Variants in ZNF69 observed in about 807,000 individuals in gnomAD.
ZNF69 encodes the protein zinc finger protein 69, also known as ZNF3.
In ZNF69, 47 loss-of-function variants were observed where a neutral mutation model predicts 50.9. The observed-to-expected ratio is 0.92, with a 90% CI of 0.73 to 1.18. The LOEUF (loss-of-function observed/expected upper bound fraction) is 1.18, where lower values mean the gene tolerates loss of function less well. ZNF69 is among the 50% of genes most tolerant of loss of function. The pLI, the probability that ZNF69 is intolerant of heterozygous loss-of-function variation, is 0.00. For synonymous variants in ZNF69, 216 were observed against 223.1 expected (o/e 0.97, Z 0.29); for missense variants, 717 against 675.1 (o/e 1.06, Z -0.69).
At chr19:11,957,911 T>C in the ZNF69 span, among the ~76,000 whole-genome samples, 912 of 152,148 alleles carry the variant, frequency 6.0e-3, 3 homozygotes, top group African/African-American at 0.021. Flanking sequence ...TAGATAGATA[T>C]TTCATTTTGA....
the ZNF69 span, chr19:11,977,144 T>C: frequency 6.2e-7 from 1 of 1,614,178 alleles, no homozygotes; most frequent in Non-Finnish European, 8.5e-7. Flanking sequence ...CTGGAAACTT[T>C]CAGGAACCTG....
chr19:11,972,407 T>C, the ZNF69 span, among the ~76,000 whole-genome samples: 1 of 152,236 alleles, frequency 6.6e-6, no homozygotes, highest in African/African-American at 2.4e-5. Flanking sequence ...CTGAGATTTA[T>C]TTTTGTATAA....
At chr19:11,937,329 C>G in the ZNF69 span, among the ~76,000 whole-genome samples, 2 of 152,014 alleles carry the variant, frequency 1.3e-5, no homozygotes, top group Non-Finnish European at 2.9e-5. Flanking sequence ...TGTTGTATGC[C>G]ACCATGTCTA....
Position 11,905,873 on chromosome 19 carries a change from A to G in ZNF69, c.1476A>G (p.Ser492=), listed in dbSNP as rs931748724. 10 of 1,613,496 alleles carry G rather than the reference A, an allele frequency of 6.2e-6. No homozygotes were observed. Among genetic ancestry groups the G allele is most frequent in the African/African-American group, 1.3e-5 (1 of 74,722 alleles). The stretch of plus-strand genomic sequence containing the variant: ...GGAAAGGCTTTTATTGTCCCAAATC[A>G]TTGCAAAGACATGAAAAAACTCACA... ...LCGKGFYCPK[S]LQRHEKTHTG... is the part of the protein sequence containing the mutation. The change falls in exon 4 of 4, where the codon TCA becomes TCG. Residue 492 remains serine, a synonymous_variant. Transcript: ENST00000429654.
At chr19:11,978,312 G>A in the ZNF69 span, 3 of 1,614,086 alleles carry the variant, frequency 1.9e-6, no homozygotes, top group Non-Finnish European at 2.5e-6. Flanking sequence ...AGGTGACATT[G>A]GGCACAAGGC....
downstream of ZNF69, among the ~76,000 whole-genome samples, chr19:11,915,233 AC>A (rs1386319917): frequency 6.6e-6 from 1 of 152,184 alleles, no homozygotes. Context: ...AGTTGGATGC[AC>A]CTGAATTCAA....
At chr19:11,925,255 A>C in the ZNF69 span, 1 of 1,612,724 alleles carries the variant, frequency 6.2e-7, no homozygotes, top group African/African-American at 1.3e-5. Context: ...ACCCCGGTAC[A>C]TCTGAAAGCC....
chr19:11,969,399 C>T, the ZNF69 span, among the ~76,000 whole-genome samples: 2,966 of 152,286 alleles, frequency 0.019, 74 homozygotes, highest in African/African-American at 0.059. Flanking sequence ...GTCACTGCAC[C>T]GGGCCTGACT....
chr19:11,963,897 G>A, the ZNF69 span, among the ~76,000 whole-genome samples: 2 of 152,220 alleles, frequency 1.3e-5, no homozygotes, highest in Admixed American at 1.3e-4. Context: ...GGGACCCTCA[G>A]CTGCCACCTC....
chr19:11,917,742 C>T (rs975605275), downstream of ZNF69, among the ~76,000 whole-genome samples: 38 of 151,124 alleles, frequency 2.5e-4, no homozygotes, highest in African/African-American at 9.3e-4. Flanking sequence ...TCTCCTGGCT[C>T]AGCCTCCTGG....
intron 1 of ZNF69, among the ~76,000 whole-genome samples, chr19:11,903,364 C>T (rs577892525): frequency 1.3e-3 from 192 of 152,066 alleles, no homozygotes; most frequent in African/African-American, 4.3e-3. Flanking sequence ...GCCGAGATCA[C>T]GCCATTGCAC....
chr19:11,925,941 A>G, the ZNF69 span, among the ~76,000 whole-genome samples: 2 of 152,326 alleles, frequency 1.3e-5, no homozygotes, highest in Non-Finnish European at 2.9e-5. Context: ...ATGATGAATC[A>G]GTGCCTGAAA....
rs553623337 is a variant in ZNF69 at position 11,905,339 on chromosome 19, G to C, written c.942G>C (p.Thr314=). 1 of 1,613,928 alleles carries C rather than the reference G, an allele frequency of 6.2e-7. No homozygotes were observed. The highest frequency in any genetic ancestry group is 1.1e-5 in the South Asian group (1 of 91,072). ...GTAAGGAATGTGGAAAAGCATTCACGTGTCCCCAGTATGTTCGTATACATG... is the reference window on the plus strand; with the variant it reads ...GTAAGGAATGTGGAAAAGCATTCACCTGTCCCCAGTATGTTCGTATACATG... ...YQCKECGKAF[T]CPQYVRIHER... Residue 314 remains threonine (T), a synonymous_variant, in exon 4 of 4, where the codon ACG becomes ACC. Transcript: ENST00000429654.
At chr19:11,965,358 C>CA in the ZNF69 span, 1 of 1,134,626 alleles carries the variant, frequency 8.8e-7, no homozygotes. Flanking sequence ...CCTCGGTCCC[C>CA]TCGGCCGCTG....
chr19:11,962,553 G>A, the ZNF69 span, among the ~76,000 whole-genome samples: 1 of 151,942 alleles, frequency 6.6e-6, no homozygotes, highest in Admixed American at 6.6e-5. Context: ...TACATATGGA[G>A]TCTCACTATA....
the ZNF69 span, among the ~76,000 whole-genome samples, chr19:11,961,958 CATAT>C: frequency 1.4e-4 from 21 of 144,838 alleles, no homozygotes; most frequent in African/African-American, 5.4e-4. Flanking sequence ...CACACACACA[CATAT>C]ATATTGTTTT....
the ZNF69 span, chr19:11,976,841 G>A: frequency 7.0e-7 from 1 of 1,419,002 alleles, no homozygotes; most frequent in Non-Finnish European, 9.2e-7. Flanking sequence ...GCAACAAGTT[G>A]TTGTTTTGAA....
At chr19:11,925,101 C>T in the ZNF69 span, 24 of 1,292,522 alleles carry the variant, frequency 1.9e-5, no homozygotes, top group African/African-American at 2.5e-4. Flanking sequence ...TGGAGGGGGT[C>T]GCTTTCCTCA....
intron 3 of ZNF69, among the ~76,000 whole-genome samples, chr19:11,904,398 A>C (rs1317741786): frequency 1.3e-5 from 2 of 152,170 alleles, no homozygotes; most frequent in East Asian, 3.9e-4. Context: ...AATGACACAG[A>C]GTATTTAGTA....
Sources: allele counts gnomAD v4.1 joint callset (sites outside exome capture counted in the v4.1 genomes callset), GRCh38; gene constraint gnomAD v4.1.1; transcripts MANE v1.5; gene names NCBI Gene and HGNC (gene_info 2026-07-23, HGNC 2026-07-21).